Variants in ZC3H6 observed in about 807,000 individuals in gnomAD.
The protein encoded by ZC3H6 is zinc finger CCCH domain-containing protein 6.
A neutral mutation model predicts 107.7 loss-of-function variants in ZC3H6; 40 were observed. The observed-to-expected ratio is 0.37, with a 90% CI of 0.29 to 0.48. The LOEUF (loss-of-function observed/expected upper bound fraction) is 0.48. Among genes scored for constraint, ZC3H6 ranks in the 20% least tolerant of loss-of-function variants. The pLI is 0.98. For missense variants in ZC3H6, 1,267 were observed against 1,410.4 expected (o/e 0.90, Z 1.63); for synonymous variants, 493 against 487.9 (o/e 1.01, Z -0.14).
rs186029414 is a variant in ZC3H6 at position 112,278,977 on chromosome 2, T to A, written c.32+2951T>A. On this transcript the variant is annotated intron_variant, in intron 1 of 11. Transcript: ENST00000409871. Reference sequence around the variant, plus strand: ...AAGATTGTTTGCCAAATGAATAATTTAAAAAAAATCCATTTAGTGTACTTT... The same window carrying A: ...AAGATTGTTTGCCAAATGAATAATTAAAAAAAAATCCATTTAGTGTACTTT... Among the ~76,000 whole-genome samples the A allele has an allele frequency of 3.9e-3, 586 of 152,192 alleles. 7 individuals are homozygous for A. Among genetic ancestry groups the A allele is most frequent in the African/African-American group, 0.013 (552 of 41,504 alleles).
chr2:112,318,343 T>C (rs978781770), intron 7 of ZC3H6, among the ~76,000 whole-genome samples: 2 of 152,208 alleles, frequency 1.3e-5, no homozygotes, highest in African/African-American at 2.4e-5. Flanking sequence ...CAAATACATA[T>C]AACATGAGCT....
At chr2:112,312,370 T>C (rs774802575) in intron 5 of ZC3H6, among the ~76,000 whole-genome samples, 4 of 152,156 alleles carry the variant, frequency 2.6e-5, no homozygotes, top group Non-Finnish European at 4.4e-5. Flanking sequence ...GAAAGGGGGA[T>C]ATAAATGGTT....
At chr2:112,283,941 T>A (rs918834588) in intron 1 of ZC3H6, among the ~76,000 whole-genome samples, 2 of 152,262 alleles carry the variant, frequency 1.3e-5, no homozygotes, top group African/African-American at 4.8e-5. Flanking sequence ...ATGTTAATAA[T>A]CTTTATATTT....
At chr2:112,284,422 T>C (rs537309383) in intron 1 of ZC3H6, among the ~76,000 whole-genome samples, 1 of 151,566 alleles carries the variant, frequency 6.6e-6, no homozygotes, top group African/African-American at 2.4e-5. Flanking sequence ...GAAGTCGGTA[T>C]CATCATCATA....
chr2:112,331,201 G>A lies in ZC3H6; in HGVS notation c.2283G>A (p.Arg761=). 6.2e-7 allele frequency: 1 copy of A among 1,613,586 alleles called. No individual in the cohort carries two copies. The highest frequency in any genetic ancestry group is 1.1e-5 in the South Asian group (1 of 90,988). The part of the protein sequence containing the change: ...KGNQVVDPRL[R]TIPRQDIRKP... ...ACCAAGTGGTTGACCCTAGGCTTAG[G>A]ACTATCCCAAGGCAAGACATTAGAA... The change falls in exon 12 of 12, where the codon AGG becomes AGA. Residue 761 remains arginine (R), a synonymous_variant. Coordinates refer to ENST00000409871, the MANE Select transcript of ZC3H6 (RefSeq NM_198581.3).
intron 1 of ZC3H6, among the ~76,000 whole-genome samples, chr2:112,284,004 G>A (rs4446076): frequency 0.65 from 99,525 of 152,166 alleles, 34,564 homozygotes; most frequent in African/African-American, 0.9. Flanking sequence ...GTTTTTAGCT[G>A]TGGAAAGCAA....
At chr2:112,276,547 G>A (rs912589823) in intron 1 of ZC3H6, among the ~76,000 whole-genome samples, 3 of 152,148 alleles carry the variant, frequency 2.0e-5, no homozygotes, top group African/African-American at 7.2e-5. Context: ...TGGAATTTGA[G>A]ATGGCAAGTT....
chr2:112,329,257 A>G (rs1026982658), intron 11 of ZC3H6, among the ~76,000 whole-genome samples: 3 of 152,062 alleles, frequency 2.0e-5, no homozygotes, highest in Non-Finnish European at 2.9e-5. Flanking sequence ...CTCTGTTACT[A>G]TTTTCACTCT....
At chr2:112,322,193 T>TTC (rs141687815) in intron 8 of ZC3H6, among the ~76,000 whole-genome samples, 9 of 148,168 alleles carry the variant, frequency 6.1e-5, no homozygotes, top group South Asian at 2.2e-4. Flanking sequence ...TCTTTCTTAT[T>TTC]TCTCTCTCTC....
chr2:112,276,165 A>G lies in ZC3H6; in HGVS notation c.32+139A>G, dbSNP rs563775081. The stretch of plus-strand genomic sequence containing the variant: ...CGTCAGTTCCATGACGCGCACTCTT[A>G]TGTAAACTGCTGGATCGCGGCCGCG... On this transcript the variant is annotated intron_variant, in intron 1 of 11. Transcript: ENST00000409871. The G allele has an allele frequency of 8.1e-6, 5 of 617,678 alleles. No homozygotes were observed. In the African/African-American group the frequency reaches 9.8e-5, roughly 12 times the overall value. The allele number at this position is 617,678 out of a possible 1,614,324, so 38.3% of individuals were successfully genotyped here.
intron 1 of ZC3H6, among the ~76,000 whole-genome samples, chr2:112,296,853 C>A (rs970935782): frequency 6.6e-6 from 1 of 152,170 alleles, no homozygotes; most frequent in Non-Finnish European, 1.5e-5. Flanking sequence ...AGTCATTTGA[C>A]ATAATGTACA....
rs1233032553 is a variant in ZC3H6 at position 112,334,144 on chromosome 2, T to TA, written c.*1662dup. Reference sequence around the variant, plus strand: ...ATGGCTCTGGATAACATTTTTGGGTTAAAAAATGTAATTTAAAGCCACCAT... The same window carrying TA: ...ATGGCTCTGGATAACATTTTTGGGTTAAAAAAATGTAATTTAAAGCCACCAT... On this transcript the variant is annotated 3_prime_UTR_variant, in exon 12 of 12. Coordinates refer to ENST00000409871, the MANE Select transcript of ZC3H6 (RefSeq NM_198581.3). The TA allele has an allele frequency of 6.6e-6, 1 of 152,232 alleles. No individual in the cohort carries two copies. Among genetic ancestry groups the TA allele is most frequent in the Non-Finnish European group, 1.5e-5 (1 of 67,966 alleles). The allele number at this position is 152,232 out of a possible 1,614,324, so 9.4% of individuals were successfully genotyped here.
intron 11 of ZC3H6, among the ~76,000 whole-genome samples, chr2:112,328,928 G>C (rs1178194683): frequency 7.4e-6 from 1 of 134,768 alleles, no homozygotes; most frequent in Non-Finnish European, 1.5e-5. Context: ...AACAGAGCGA[G>C]ACTCTGTCTC....
intron 3 of ZC3H6, among the ~76,000 whole-genome samples, chr2:112,306,785 T>G (rs7600338): frequency 0.65 from 99,185 of 152,016 alleles, 34,318 homozygotes; most frequent in African/African-American, 0.9. Context: ...GAGGATGGGG[T>G]TTACTAAGCT....
At chr2:112,277,643 T>C (rs899568470) in intron 1 of ZC3H6, among the ~76,000 whole-genome samples, 1 of 152,212 alleles carries the variant, frequency 6.6e-6, no homozygotes. Flanking sequence ...TAGTAGGAGC[T>C]AAAGATTAAG....
At chr2:112,290,927 G>GTA (rs1331889009) in intron 1 of ZC3H6, among the ~76,000 whole-genome samples, 1 of 149,702 alleles carries the variant, frequency 6.7e-6, no homozygotes, top group Middle Eastern at 3.2e-3. Flanking sequence ...GCCATATCAA[G>GTA]TACTATCCAT....
Position 112,330,820 on chromosome 2 carries a change from G to A in ZC3H6, c.2087-185G>A, listed in dbSNP as rs140172396. Among the ~76,000 whole-genome samples the A allele has an allele frequency of 4.7e-3, 714 of 151,854 alleles. 5 individuals are homozygous for A. Among genetic ancestry groups the A allele is most frequent in the African/African-American group, 0.016 (658 of 41,420 alleles). On this transcript the variant is annotated intron_variant, in intron 11 of 11. Coordinates refer to ENST00000409871, the MANE Select transcript of ZC3H6 (RefSeq NM_198581.3). ...TCCAGTATTGAAATCTGGCATTTTT[G>A]TTATGCATTTTCTTGAAGTTAGATT...
rs1363423937 is a variant in ZC3H6 at position 112,334,207 on chromosome 2, G to GT, written c.*1721dup. Reference sequence around the variant, plus strand: ...CTGATTTACTGTCCAAATGAATTTTGTTGTTAATTGAGAAGTCAATAAAAT... The same window carrying GT: ...CTGATTTACTGTCCAAATGAATTTTGTTTGTTAATTGAGAAGTCAATAAAAT... On this transcript the variant is annotated 3_prime_UTR_variant, in exon 12 of 12. Coordinates refer to ENST00000409871, the MANE Select transcript of ZC3H6 (RefSeq NM_198581.3). 3 of 151,954 alleles carry GT rather than the reference G, an allele frequency of 2.0e-5. No individual in the cohort carries two copies. Among genetic ancestry groups the GT allele is most frequent in the Non-Finnish European group, 4.4e-5 (3 of 67,946 alleles). The allele number at this position is 151,954 out of a possible 1,614,324, so 9.4% of individuals were successfully genotyped here. A position where few individuals can be genotyped will look rare whatever the true frequency, so the allele number is the denominator to read the frequency against.
intron 1 of ZC3H6, among the ~76,000 whole-genome samples, chr2:112,297,481 G>T (rs1676261739): frequency 6.6e-6 from 1 of 152,154 alleles, no homozygotes; most frequent in Non-Finnish European, 1.5e-5. Flanking sequence ...TCAAACTATA[G>T]TGTTTTGGAA....
Sources: gnomAD v4.1 joint callset for allele counts (sites outside exome capture counted in the v4.1 genomes callset) on GRCh38, gnomAD v4.1.1 for gene constraint, MANE v1.5 for transcripts, NCBI Gene and HGNC (gene_info 2026-07-23, HGNC 2026-07-21) for gene names.